Variants in TNS1 observed in about 807,000 individuals in gnomAD.
TNS1 encodes the protein tensin-1.
In TNS1, 62 loss-of-function variants were observed where a neutral mutation model predicts 168.6. The ratio of observed to expected loss-of-function variants is 0.37; its 90% CI spans 0.30 to 0.45. The LOEUF (loss-of-function observed/expected upper bound fraction) is 0.45. Among genes scored for constraint, TNS1 ranks in the 20% least tolerant of loss-of-function variants. The probability of loss-of-function intolerance (pLI) is 1.00; values close to 1 mark genes in which losing one functional copy is unlikely to be tolerated. For missense variants in TNS1, 2,240 were observed against 2,339.4 expected, an observed-to-expected ratio of 0.96 and a Z score of 0.88; for synonymous variants, 934 against 933.2, an observed-to-expected ratio of 1.00 and a Z score of -0.02.
At chr2:217,946,582 C>T (rs1414821863) in intron 3 of TNS1, among the ~76,000 whole-genome samples, 1 of 152,146 alleles carries the variant, frequency 6.6e-6, no homozygotes, top group East Asian at 1.9e-4. Flanking sequence ...TAATCGCAGG[C>T]AGAAACACAG....
chr2:217,936,928 A>G (rs1376978309), intron 3 of TNS1: 2 of 456,672 alleles, frequency 4.4e-6, no homozygotes, highest in African/African-American at 2.0e-5. Context: ...GCTCAGACCC[A>G]TGTAGCAGAG....
chr2:217,850,145 C>A, intron 18 of TNS1: 1 of 985,352 alleles, frequency 1.0e-6, no homozygotes, highest in South Asian at 4.7e-5. Flanking sequence ...GTATGCCGGG[C>A]AGGATCACAG....
At chr2:217,930,700 G>A (rs149542318) in intron 3 of TNS1, among the ~76,000 whole-genome samples, 148 of 152,346 alleles carry the variant, frequency 9.7e-4, no homozygotes, top group African/African-American at 3.2e-3. Context: ...GGGCAGGAAA[G>A]TGGGGCAGTC....
chr2:217,893,088 G>C, intron 10 of TNS1, 76 bp from the exon 11 acceptor site: 1 of 1,570,814 alleles, frequency 6.4e-7, no homozygotes, highest in Non-Finnish European at 8.7e-7. Flanking sequence ...TAGAAGCCTT[G>C]GTGGAAAAGA....
chr2:217,813,887 T>C lies in TNS1; in HGVS notation c.4730-71A>G, dbSNP rs2125123653. The stretch of plus-strand genomic sequence containing the variant: ...TGGCGCTAGTTTTACTTAAGTCTCA[T>C]TGAGCCTACCGACCTTCGTTCTTTC... On this transcript the variant is annotated intron_variant, in intron 25 of 32. Coordinates refer to ENST00000682258, the MANE Select transcript of TNS1 (RefSeq NM_001387777.1). The surrounding 1 kb of genome is among the most constrained non-coding windows in gnomAD (Gnocchi z 4.0). The C allele has an allele frequency of 6.8e-7, 1 of 1,477,222 alleles. No homozygotes were observed. The highest frequency in any genetic ancestry group is 1.4e-5 in the South Asian group (1 of 70,996). The allele number at this position is 1,477,222 out of a possible 1,614,324, so 91.5% of individuals were successfully genotyped here. A position where few individuals can be genotyped will look rare whatever the true frequency, so the allele number is the denominator to read the frequency against.
chr2:217,910,227 T>C (rs1031605188), intron 4 of TNS1, among the ~76,000 whole-genome samples: 1 of 152,084 alleles, frequency 6.6e-6, no homozygotes, highest in South Asian at 2.1e-4. Context: ...CCCCACCCCT[T>C]CCCCATGCCA....
intron 1 of TNS1, among the ~76,000 whole-genome samples, chr2:218,017,392 C>T (rs1378557482): frequency 6.6e-6 from 1 of 152,242 alleles, no homozygotes; most frequent in Admixed American, 6.5e-5. Flanking sequence ...CCCATCCCTG[C>T]CAGGGCCCTG....
At chr2:218,019,510 G>A (rs890342777) in intron 1 of TNS1, among the ~76,000 whole-genome samples, 1 of 152,186 alleles carries the variant, frequency 6.6e-6, no homozygotes, top group Admixed American at 6.5e-5. Flanking sequence ...TTTCCCTCCA[G>A]GCTTGGGCAC....
At chr2:217,892,321 C>T (rs1333892423) in intron 11 of TNS1, among the ~76,000 whole-genome samples, 2 of 152,278 alleles carry the variant, frequency 1.3e-5, no homozygotes, top group African/African-American at 2.4e-5. Flanking sequence ...AGGCTGGTCT[C>T]GAACTTCTGA....
At chr2:217,961,752 G>A (rs796349310) in intron 3 of TNS1, among the ~76,000 whole-genome samples, 12 of 152,192 alleles carry the variant, frequency 7.9e-5, no homozygotes, top group African/African-American at 2.2e-4. Flanking sequence ...CCATACTCCC[G>A]AGAAAAGAAC....
At chr2:217,870,276 C>T (rs1366041000) in intron 18 of TNS1, among the ~76,000 whole-genome samples, 2 of 152,192 alleles carry the variant, frequency 1.3e-5, no homozygotes, top group African/African-American at 2.4e-5. Context: ...ACCCCGTCTC[C>T]AGACAACCCC....
In TNS1 at chr2:217,848,190, T is replaced by TGCTGCTGCC. The variant is rs770204471; in HGVS notation, c.2326_2327insGGCAGCAGC (p.Trp775_Gln776insArgGlnGln). ...CTGCTGCTGCTGCTGCTGCTGCTGC[T>TGCTGCTGCC]GCCACGAATTCAGTCCCCTTTGCAC... On this transcript the variant is annotated inframe_insertion, in exon 19 of 33. Transcript: ENST00000682258. 334 of 1,602,592 alleles carry TGCTGCTGCC rather than the reference T, an allele frequency of 2.1e-4. No individual in the cohort carries two copies. In the East Asian group the frequency reaches 7.1e-3, roughly 34 times the overall value.
At chr2:217,903,077 C>T (rs1372175524) in intron 6 of TNS1, among the ~76,000 whole-genome samples, 1 of 152,188 alleles carries the variant, frequency 6.6e-6, no homozygotes, top group Admixed American at 6.5e-5. Context: ...CATGCCTCAT[C>T]ACGTAGGCTT....
intron 24 of TNS1, 106 bp downstream of exon 24, chr2:217,817,584 G>A (rs1378727037): frequency 3.2e-6 from 3 of 946,712 alleles, no homozygotes; most frequent in South Asian, 1.7e-5. Context: ...GATTCACCCA[G>A]GGTCGTCTGC....
At chr2:217,823,057 G>A (rs1302991808) in intron 22 of TNS1, among the ~76,000 whole-genome samples, 3 of 152,226 alleles carry the variant, frequency 2.0e-5, no homozygotes, top group Admixed American at 2.0e-4. Flanking sequence ...CATCCCTCAG[G>A]AGGCCAGGCC....
intron 22 of TNS1, among the ~76,000 whole-genome samples, chr2:217,827,528 C>T (rs1371884264): frequency 3.9e-5 from 6 of 152,178 alleles, no homozygotes; most frequent in Non-Finnish European, 5.9e-5. Context: ...CCCCAGGCCA[C>T]GGGCAGCAAT....
At chr2:218,007,160 G>A (rs906439221), upstream of TNS1, among the ~76,000 whole-genome samples, 1 of 151,196 alleles carries the variant, frequency 6.6e-6, no homozygotes, top group African/African-American at 2.4e-5. Context: ...TCCAGGTAAA[G>A]ATCCCAACAG....
intron 18 of TNS1, among the ~76,000 whole-genome samples, chr2:217,865,060 G>A (rs140946803): frequency 0.019 from 2,873 of 152,140 alleles, 35 homozygotes; most frequent in Non-Finnish European, 0.03. Context: ...ATGACTAGAG[G>A]GATCCATGTG....
chr2:218,013,580 C>T (rs1007502749), upstream of TNS1, among the ~76,000 whole-genome samples: 1 of 152,090 alleles, frequency 6.6e-6, no homozygotes, highest in Non-Finnish European at 1.5e-5. Flanking sequence ...TGGTCACCAT[C>T]CTCCCAGGTT....
Sources: gnomAD v4.1 joint callset for allele counts (sites outside exome capture counted in the v4.1 genomes callset) on GRCh38, gnomAD v4.1.1 for gene constraint, Gnocchi (gnomAD v3.1) non-coding constraint, MANE v1.5 for transcripts, NCBI Gene and HGNC (gene_info 2026-07-23, HGNC 2026-07-21) for gene names.